Variants in NOS1AP observed in about 807,000 individuals in gnomAD.
NOS1AP encodes carboxyl-terminal PDZ ligand of neuronal nitric oxide synthase protein.
NOS1AP carries 21 observed loss-of-function variants against 56.2 expected under a neutral mutation model. The observed-to-expected ratio is 0.37, with a 90% CI of 0.26 to 0.54. NOS1AP has a LOEUF of 0.54. Among genes scored for constraint, NOS1AP ranks in the 20% least tolerant of loss-of-function variants. The probability of loss-of-function intolerance (pLI) is 0.84; values close to 1 mark genes in which losing one functional copy is unlikely to be tolerated. For synonymous variants in NOS1AP, 270 were observed against 274.6 expected (o/e 0.98, Z 0.17); for missense variants, 522 against 657.8 (o/e 0.79, Z 2.26).
At chr1:162,094,705 T>C (rs901434074) in intron 1 of NOS1AP, among the ~76,000 whole-genome samples, 33 of 152,172 alleles carry the variant, frequency 2.2e-4, no homozygotes, top group Non-Finnish European at 1.5e-5. Context: ...TTGAGTAAGT[T>C]TGGTGATTCA....
chr1:162,234,043 G>T (rs1653208996), intron 2 of NOS1AP, among the ~76,000 whole-genome samples: 1 of 152,180 alleles, frequency 6.6e-6, no homozygotes, highest in Non-Finnish European at 1.5e-5. Context: ...AACACCCAAG[G>T]AATTTAAAAT....
chr1:162,367,564 A>T lies in NOS1AP; in HGVS notation c.*97A>T. 1 of 1,340,616 alleles carries T rather than the reference A, an allele frequency of 7.5e-7. No homozygotes were observed. The highest frequency in any genetic ancestry group is 2.3e-5 in the Admixed American group (1 of 42,696). 83.0% of individuals were successfully genotyped at this position (1,340,616 alleles called of 1,614,324 possible). A position where few individuals can be genotyped will look rare whatever the true frequency, so the allele number is the denominator to read the frequency against. ...GATGCCCAGTGAATGTGCACTGCCG[A>T]GGAGAATGCCAGCCAGGGCCCGGGA... On this transcript the variant is annotated 3_prime_UTR_variant, in exon 10 of 10. Coordinates refer to ENST00000361897, the MANE Select transcript of NOS1AP (RefSeq NM_014697.3). This position sits in a 1 kb window ranked among gnomAD's most constrained non-coding sequence, Gnocchi z 6.5.
chr1:162,217,890 T>TA (rs1449298689), intron 2 of NOS1AP, among the ~76,000 whole-genome samples: 6 of 152,182 alleles, frequency 3.9e-5, no homozygotes, highest in African/African-American at 1.4e-4. Flanking sequence ...CACTCACAGA[T>TA]ACAGTGGTAG....
chr1:162,331,238 A>C (rs972701043), intron 4 of NOS1AP, among the ~76,000 whole-genome samples: 1 of 152,172 alleles, frequency 6.6e-6, no homozygotes, highest in African/African-American at 2.4e-5. Context: ...GATGATAGAC[A>C]TGTGAGATGT....
chr1:162,313,318 G>T (rs1656111205), intron 4 of NOS1AP, among the ~76,000 whole-genome samples: 1 of 152,196 alleles, frequency 6.6e-6, no homozygotes, highest in African/African-American at 2.4e-5. Flanking sequence ...AAGTAGTGAA[G>T]AGTTTTATAA....
chr1:162,209,876 T>TTCTG (rs1652290488), intron 2 of NOS1AP, among the ~76,000 whole-genome samples: 1 of 152,128 alleles, frequency 6.6e-6, no homozygotes, highest in Non-Finnish European at 1.5e-5. Context: ...TCATCAGTGT[T>TTCTG]GTTGGAAGAT....
At chr1:162,325,252 G>C (rs1365094907) in intron 4 of NOS1AP, among the ~76,000 whole-genome samples, 1 of 152,150 alleles carries the variant, frequency 6.6e-6, no homozygotes, top group Non-Finnish European at 1.5e-5. Context: ...CAGTGATCAA[G>C]ATGGGAGACA....
intron 1 of NOS1AP, among the ~76,000 whole-genome samples, chr1:162,086,313 A>G (rs1037204314): frequency 6.6e-6 from 1 of 152,138 alleles, no homozygotes; most frequent in African/African-American, 2.4e-5. Context: ...CCTGTACTGC[A>G]GGCACGAGGT....
chr1:162,342,178 C>T (rs549316156), intron 5 of NOS1AP, among the ~76,000 whole-genome samples: 36 of 152,280 alleles, frequency 2.4e-4, no homozygotes, highest in Non-Finnish European at 2.1e-4. Flanking sequence ...CCTCCTGCTT[C>T]GCTTAAGGTT....
intron 4 of NOS1AP, among the ~76,000 whole-genome samples, chr1:162,314,314 T>G (rs1223488693): frequency 6.6e-6 from 1 of 152,196 alleles, no homozygotes; most frequent in Non-Finnish European, 1.5e-5. Context: ...CTAGAGGGCA[T>G]CTTTTACACT....
chr1:162,121,076 A>G (rs749475397), intron 1 of NOS1AP, among the ~76,000 whole-genome samples: 281 of 137,802 alleles, frequency 2.0e-3, no homozygotes, highest in Admixed American at 4.4e-3. Flanking sequence ...AACTTGGCAC[A>G]CTAGGATTTT....
intron 4 of NOS1AP, among the ~76,000 whole-genome samples, chr1:162,320,072 C>G (rs1235836802): frequency 1.3e-5 from 2 of 152,146 alleles, no homozygotes; most frequent in Non-Finnish European, 2.9e-5. Flanking sequence ...CCTGTCTGTA[C>G]CCCCTGAGCT....
At chr1:162,109,257 C>A (rs1647623769) in intron 1 of NOS1AP, among the ~76,000 whole-genome samples, 1 of 152,116 alleles carries the variant, frequency 6.6e-6, no homozygotes, top group African/African-American at 2.4e-5. Context: ...AGTGTGTGAA[C>A]CTTATTTGGA....
chr1:162,134,359 CATATGT>C (rs958594703), intron 1 of NOS1AP, among the ~76,000 whole-genome samples: 3 of 151,656 alleles, frequency 2.0e-5, no homozygotes, highest in Admixed American at 1.3e-4. Context: ...TTTGGAGGTG[CATATGT>C]AATTCCAGCT....
intron 2 of NOS1AP, among the ~76,000 whole-genome samples, chr1:162,221,049 C>T (rs1023353347): frequency 2.0e-5 from 3 of 152,202 alleles, no homozygotes; most frequent in Non-Finnish European, 4.4e-5. Context: ...TCAAGTGATT[C>T]TCCTGCCTCA....
chr1:162,345,673 C>A (rs1018902114), intron 6 of NOS1AP, among the ~76,000 whole-genome samples: 1 of 152,172 alleles, frequency 6.6e-6, no homozygotes, highest in African/African-American at 2.4e-5. Flanking sequence ...AGAGAGAAGA[C>A]CTTTGCTTTG....
intron 2 of NOS1AP, among the ~76,000 whole-genome samples, chr1:162,281,946 A>G (rs922988651): frequency 6.6e-6 from 1 of 152,188 alleles, no homozygotes; most frequent in East Asian, 1.9e-4. Context: ...CTTAAAATAC[A>G]AAAATTAGCT....
intron 4 of NOS1AP, among the ~76,000 whole-genome samples, chr1:162,308,436 C>T (rs1655917259): frequency 6.6e-6 from 1 of 152,116 alleles, no homozygotes; most frequent in Non-Finnish European, 1.5e-5. Context: ...AGAGTTAGAG[C>T]ATCACTGTGG....
chr1:162,279,781 T>C (rs544998928), intron 2 of NOS1AP, among the ~76,000 whole-genome samples: 1 of 152,326 alleles, frequency 6.6e-6, no homozygotes, highest in South Asian at 2.1e-4. Context: ...AATGAATGAA[T>C]TTTATTTCCT....
Sources: allele counts gnomAD v4.1 joint callset (sites outside exome capture counted in the v4.1 genomes callset), GRCh38; gene constraint gnomAD v4.1.1; non-coding constraint Gnocchi (gnomAD v3.1); transcripts MANE v1.5; gene names NCBI Gene and HGNC (gene_info 2026-07-23, HGNC 2026-07-21).